ALOX5AP: variants seen among roughly 807,000 people sequenced by gnomAD.
The protein encoded by ALOX5AP is arachidonate 5-lipoxygenase activating protein.
ALOX5AP carries 9 observed loss-of-function variants against 18.5 expected under a neutral mutation model. The observed-to-expected ratio is 0.49, with a 90% CI of 0.29 to 0.85. The LOEUF (loss-of-function observed/expected upper bound fraction) is 0.85, where lower values mean the gene tolerates loss of function less well. ALOX5AP is among the 40% of genes least tolerant of loss of function. The pLI is 0.08. For missense variants in ALOX5AP, 172 were observed against 202.5 expected, an observed-to-expected ratio of 0.85 and a Z score of 0.91; for synonymous variants, 81 against 78.6, an observed-to-expected ratio of 1.03 and a Z score of -0.16.
At chr13:30,753,039 C>T (rs1258379063) in intron 3 of ALOX5AP, among the ~76,000 whole-genome samples, 1 of 152,124 alleles carries the variant, frequency 6.6e-6, no homozygotes, top group East Asian at 1.9e-4. Flanking sequence ...TGTGCCAAGC[C>T]CTGTGCCTAG....
intron 4 of ALOX5AP, among the ~76,000 whole-genome samples, chr13:30,762,310 TGG>T (rs1951948250): frequency 6.6e-6 from 1 of 152,106 alleles, no homozygotes; most frequent in South Asian, 2.1e-4. Flanking sequence ...ATGAGTTGGC[TGG>T]GCGTGGTGGC....
upstream of ALOX5AP, among the ~76,000 whole-genome samples, chr13:30,734,319 C>T (rs563020885): frequency 1.6e-4 from 25 of 152,244 alleles, no homozygotes; most frequent in African/African-American, 5.8e-4. Flanking sequence ...TGAAGCGGGC[C>T]TCTGGCACTG....
intron 3 of ALOX5AP, among the ~76,000 whole-genome samples, chr13:30,754,112 G>A (rs1375971774): frequency 6.6e-6 from 1 of 152,166 alleles, no homozygotes; most frequent in Non-Finnish European, 1.5e-5. Flanking sequence ...GGTGGTGCAT[G>A]CCTGTAATGC....
intron 1 of ALOX5AP, among the ~76,000 whole-genome samples, chr13:30,727,968 G>A (rs763676521): frequency 6.6e-6 from 1 of 152,076 alleles, no homozygotes; most frequent in Non-Finnish European, 1.5e-5. Flanking sequence ...GGGTTGAATT[G>A]TATCTCCCCA....
intron 3 of ALOX5AP, 65 bp downstream of exon 3, chr13:30,752,187 C>A: frequency 6.5e-7 from 1 of 1,544,058 alleles, no homozygotes; most frequent in Non-Finnish European, 8.9e-7. Context: ...GTTCAAAGGG[C>A]AGGCTTTTTG....
intron 1 of ALOX5AP, among the ~76,000 whole-genome samples, chr13:30,726,486 T>A (rs1220247304): frequency 1.3e-5 from 2 of 152,226 alleles, no homozygotes; most frequent in African/African-American, 4.8e-5. Context: ...TGTCCATCTA[T>A]GTCCATCTAT....
At chr13:30,724,750 T>C (rs979629855) in intron 1 of ALOX5AP, among the ~76,000 whole-genome samples, 2 of 152,046 alleles carry the variant, frequency 1.3e-5, no homozygotes, top group Admixed American at 1.3e-4. Flanking sequence ...TGAACAAGAG[T>C]CATTTGATCC....
chr13:30,764,010 A>T lies in ALOX5AP; in HGVS notation c.390A>T (p.Ile130=). Residue 130 remains isoleucine, a synonymous_variant, in exon 5 of 5, where the codon ATA becomes ATT. Transcript: ENST00000380490. Reference sequence around the variant, plus strand: ...TGTTCCTCATGTCCGTTGCTGGCATATTCAACTATTACCTCATCTTCTTTT... The same window carrying T: ...TGTTCCTCATGTCCGTTGCTGGCATTTTCAACTATTACCTCATCTTCTTTT... ...LFLFLMSVAG[I]FNYYLIFFFG... 6.2e-7 allele frequency: 1 copy of T among 1,614,158 alleles called. No individual in the cohort carries two copies.
At chr13:30,717,715 A>T (rs990868326) in intron 1 of ALOX5AP, among the ~76,000 whole-genome samples, 3 of 152,196 alleles carry the variant, frequency 2.0e-5, no homozygotes, top group African/African-American at 4.8e-5. Flanking sequence ...CTCTCAGTAC[A>T]TGAATGAGTT....
At chr13:30,730,096 T>C (rs952125388) in intron 1 of ALOX5AP, among the ~76,000 whole-genome samples, 9 of 152,242 alleles carry the variant, frequency 5.9e-5, no homozygotes, top group Non-Finnish European at 1.2e-4. Flanking sequence ...GCAGATATGA[T>C]CAGCTTACAA....
At chr13:30,731,318 G>A (rs1353635038), upstream of ALOX5AP, among the ~76,000 whole-genome samples, 3 of 152,070 alleles carry the variant, frequency 2.0e-5, no homozygotes, top group South Asian at 2.1e-4. Flanking sequence ...AAGCCAGACC[G>A]GCCTGGGCTT....
At chr13:30,726,874 A>G (rs1951643405) in intron 1 of ALOX5AP, among the ~76,000 whole-genome samples, 1 of 152,026 alleles carries the variant, frequency 6.6e-6, no homozygotes, top group Non-Finnish European at 1.5e-5. Context: ...TCTACTATAC[A>G]ACATAATATG....
intron 1 of ALOX5AP, among the ~76,000 whole-genome samples, chr13:30,721,463 C>G (rs552791528): frequency 6.6e-6 from 1 of 152,114 alleles, no homozygotes; most frequent in Non-Finnish European, 1.5e-5. Flanking sequence ...ATTCTTGACT[C>G]CTCTTCCTTA....
In ALOX5AP at chr13:30,736,112, A is replaced by G. The variant is rs186382305; in HGVS notation, c.70+437A>G. Among the ~76,000 whole-genome samples the G allele has an allele frequency of 7.9e-4, 121 of 152,336 alleles. 1 individual carries two copies. The highest frequency in any genetic ancestry group is 1.5e-3 in the Non-Finnish European group (100 of 68,028). Reference sequence around the variant, plus strand: ...GAAGTTACCAGTCATCTGCAGTCTAAAAAGAAAGTGATTTTGGGAGGTGCG... The same window carrying G: ...GAAGTTACCAGTCATCTGCAGTCTAGAAAGAAAGTGATTTTGGGAGGTGCG... On this transcript the variant is annotated intron_variant, in intron 1 of 4. Transcript: ENST00000380490.
chr13:30,726,054 C>T (rs974488562), intron 1 of ALOX5AP, among the ~76,000 whole-genome samples: 1 of 152,134 alleles, frequency 6.6e-6, no homozygotes, highest in Non-Finnish European at 1.5e-5. Context: ...TCACTATCAC[C>T]CTGGTGTTCG....
chr13:30,755,826 T>G, intron 3 of ALOX5AP, 118 bp from the exon 4 acceptor site: 1 of 950,960 alleles, frequency 1.1e-6, no homozygotes, highest in Non-Finnish European at 1.7e-6. Context: ...TGGGCTCTTT[T>G]CCTGAAGTGC....
At chr13:30,739,860 A>G (rs911702673) in intron 1 of ALOX5AP, among the ~76,000 whole-genome samples, 1 of 152,248 alleles carries the variant, frequency 6.6e-6, no homozygotes, top group Non-Finnish European at 1.5e-5. Context: ...TAGAGAGTAG[A>G]CACTTGCTCC....
intron 3 of ALOX5AP, among the ~76,000 whole-genome samples, chr13:30,754,175 G>T (rs1951873846): frequency 6.6e-6 from 1 of 152,228 alleles, no homozygotes; most frequent in African/African-American, 2.4e-5. Flanking sequence ...GGAGGCGGAG[G>T]TTGCGGTGAA....
At chr13:30,735,464 G>C, upstream of ALOX5AP, 3 of 897,588 alleles carry the variant, frequency 3.3e-6, no homozygotes, top group Non-Finnish European at 4.7e-6. Flanking sequence ...AAAAAAGGAA[G>C]AAGAAGGCAC....
Sources: allele counts gnomAD v4.1 joint callset (sites outside exome capture counted in the v4.1 genomes callset), GRCh38; gene constraint gnomAD v4.1.1; transcripts MANE v1.5; gene names NCBI Gene and HGNC (gene_info 2026-07-23, HGNC 2026-07-21).